Variants in CACNA1E observed in about 807,000 individuals in gnomAD.
CACNA1E encodes the protein voltage-dependent R-type calcium channel subunit alpha-1E.
CACNA1E carries 40 observed loss-of-function variants against 259.2 expected under a neutral mutation model. The ratio of observed to expected loss-of-function variants is 0.15; its 90% CI spans 0.12 to 0.20. CACNA1E has a LOEUF of 0.20. CACNA1E is among the 10% of genes least tolerant of loss of function. The pLI, the probability that CACNA1E is intolerant of heterozygous loss-of-function variation, is 1.00. For missense variants in CACNA1E, 1,874 were observed against 3,040.1 expected (o/e 0.62, Z 9.02); for synonymous variants, 1,104 against 1,138.5 (o/e 0.97, Z 0.61).
chr1:181,677,185 G>C (rs957074674), intron 7 of CACNA1E, among the ~76,000 whole-genome samples: 10 of 152,008 alleles, frequency 6.6e-5, no homozygotes, highest in African/African-American at 1.9e-4. Flanking sequence ...TATACACTCA[G>C]GATAGATCTA....
chr1:181,540,526 C>A (rs529081493), intron 3 of CACNA1E, among the ~76,000 whole-genome samples: 1 of 152,266 alleles, frequency 6.6e-6, no homozygotes, highest in Admixed American at 6.5e-5. Context: ...TTGGCGTACT[C>A]AATGTTTTAA....
intron 21 of CACNA1E, among the ~76,000 whole-genome samples, chr1:181,734,111 G>A (rs776081060): frequency 8.5e-5 from 13 of 152,146 alleles, no homozygotes; most frequent in Non-Finnish European, 1.3e-4. Flanking sequence ...AAGTTAGGGA[G>A]CCTCTGATGG....
chr1:181,600,334 C>T (rs1158208790), intron 6 of CACNA1E, among the ~76,000 whole-genome samples: 4 of 152,246 alleles, frequency 2.6e-5, no homozygotes, highest in African/African-American at 9.6e-5. Flanking sequence ...GATTTTACTC[C>T]GAGTGTGATG....
chr1:181,651,745 T>G (rs776884577), intron 7 of CACNA1E: 1 of 208,364 alleles, frequency 4.8e-6, no homozygotes, highest in African/African-American at 2.3e-5. Context: ...CAGAGACCTA[T>G]GTCAAACACG....
chr1:181,574,197 A>T (rs1374785219), intron 3 of CACNA1E, among the ~76,000 whole-genome samples: 1 of 152,200 alleles, frequency 6.6e-6, no homozygotes, highest in Non-Finnish European at 1.5e-5. Context: ...CTTAATACCT[A>T]GGTCACGGGT....
At chr1:181,322,943 G>A (rs576112320) in intron 1 of CACNA1E, among the ~76,000 whole-genome samples, 15 of 152,306 alleles carry the variant, frequency 9.8e-5, no homozygotes, top group African/African-American at 3.6e-4. Flanking sequence ...GCTGTCTTGG[G>A]CACAACTGCG....
At chr1:181,752,106 C>G (rs374769848) in intron 26 of CACNA1E, 37 bp from the exon 27 acceptor site, 4 of 1,335,026 alleles carry the variant, frequency 3.0e-6, no homozygotes, top group Non-Finnish European at 4.3e-6. Flanking sequence ...ATTTCTCCCC[C>G]ATTCCATATG....
chr1:181,763,593 A>C, intron 34 of CACNA1E, 62 bp downstream of exon 34: 1 of 1,345,894 alleles, frequency 7.4e-7, no homozygotes, highest in South Asian at 1.7e-5. Flanking sequence ...GCCAGGCAAC[A>C]CTGGCATCAT....
In CACNA1E at chr1:181,720,842, T is replaced by C. The variant is rs1191421217; in HGVS notation, c.1943T>C (p.Met648Thr). ...TTTGATACCTTCCCTGCAGCCATCATGACTGTGTTCCAGGTATGAGGCCAG... is the reference window on the plus strand; with the variant it reads ...TTTGATACCTTCCCTGCAGCCATCACGACTGTGTTCCAGGTATGAGGCCAG... ...ANFDTFPAAIMTVFQILTGED... is the reference protein window; with the variant it reads ...ANFDTFPAAITTVFQILTGED... Residue 648 changes from methionine to threonine, a missense_variant, in exon 15 of 48, where the codon ATG becomes ACG. Physicochemically the swap from Met to Thr is moderately conservative, Grantham distance 81. This residue lies in a region of CACNA1E where 102 missense variants were observed against 279.4 expected (regional missense o/e 0.37). Coordinates refer to ENST00000367573, the MANE Select transcript of CACNA1E (RefSeq NM_001205293.3). 6.2e-7 allele frequency: 1 copy of C among 1,611,158 alleles called. No homozygotes were observed. Among genetic ancestry groups the C allele is most frequent in the Admixed American group, 1.7e-5 (1 of 59,936 alleles).
chr1:181,613,903 A>T (rs904540018), intron 6 of CACNA1E, among the ~76,000 whole-genome samples: 2 of 152,226 alleles, frequency 1.3e-5, no homozygotes, highest in African/African-American at 4.8e-5. Flanking sequence ...GGTTGGTAGC[A>T]GCTGCTTCTC....
At chr1:181,348,117 G>A (rs773612196) in intron 1 of CACNA1E, among the ~76,000 whole-genome samples, 9 of 151,854 alleles carry the variant, frequency 5.9e-5, no homozygotes, top group East Asian at 1.9e-4. Context: ...GAAGCCGTGC[G>A]TCTCATGGAG....
At chr1:181,570,353 C>T (rs1308868592) in intron 3 of CACNA1E, among the ~76,000 whole-genome samples, 1 of 152,158 alleles carries the variant, frequency 6.6e-6, no homozygotes. Flanking sequence ...GCTGATGATG[C>T]AACAACAGCA....
At chr1:181,354,308 T>C (rs1211409396) in intron 1 of CACNA1E, among the ~76,000 whole-genome samples, 2 of 152,092 alleles carry the variant, frequency 1.3e-5, no homozygotes, top group African/African-American at 4.8e-5. Context: ...GCAAAATAAA[T>C]AAGTAAAATC....
At chr1:181,792,978 G>T (rs1021808812) in intron 44 of CACNA1E, among the ~76,000 whole-genome samples, 1 of 152,176 alleles carries the variant, frequency 6.6e-6, no homozygotes, top group Non-Finnish European at 1.5e-5. Context: ...TTTTTATATT[G>T]ATTACATGTT....
At chr1:181,369,886 A>G (rs1654553860) in intron 1 of CACNA1E, among the ~76,000 whole-genome samples, 1 of 152,180 alleles carries the variant, frequency 6.6e-6, no homozygotes, top group Admixed American at 6.5e-5. Context: ...TGAGGTACAG[A>G]TTATTTTGTC....
At chr1:181,733,183 A>G (rs568142294) in intron 20 of CACNA1E, 149 bp downstream of exon 20, 788 of 1,267,526 alleles carry the variant, frequency 6.2e-4, no homozygotes, top group Non-Finnish European at 7.3e-4. Context: ...AATAAATATA[A>G]CAGGCAGTGG....
At chr1:181,504,765 A>G (rs188844117) in intron 1 of CACNA1E, among the ~76,000 whole-genome samples, 1 of 152,340 alleles carries the variant, frequency 6.6e-6, no homozygotes, top group Admixed American at 6.5e-5. Context: ...CCATGTTGCT[A>G]AGGAAACAAG....
At chr1:181,325,892 G>C (rs7544699) in intron 1 of CACNA1E, among the ~76,000 whole-genome samples, 1 of 152,042 alleles carries the variant, frequency 6.6e-6, no homozygotes, top group African/African-American at 2.4e-5. Flanking sequence ...CTCCCAGGCC[G>C]CAGGGGACAG....
rs117901121 is a variant in CACNA1E, at chr1:181,362,058, A to G, written c.-15+43935A>G. 7.9e-5 allele frequency among the ~76,000 whole-genome samples: 12 copies of G among 152,284 alleles called. No homozygotes were observed. The East Asian group carries it at 2.1e-3, about 27-fold the overall frequency. ...TTTCCTCATCTGTAAAATGGGGCTA[A>G]TATTACCTCCTTCATAGGACTATTT... On this transcript the variant is annotated intron_variant, in intron 1 of 11. Coordinates refer to the CACNA1E transcript ENST00000524607.
Sources: allele counts gnomAD v4.1 joint callset (sites outside exome capture counted in the v4.1 genomes callset), GRCh38; gene constraint gnomAD v4.1.1; regional missense constraint gnomAD v4.1.1; transcripts MANE v1.5; gene names NCBI Gene and HGNC (gene_info 2026-07-23, HGNC 2026-07-21).